Variants in SPOCK3 observed in about 807,000 individuals in gnomAD.
The protein encoded by SPOCK3 is testican-3.
A neutral mutation model predicts 56.6 loss-of-function variants in SPOCK3; 30 were observed. The observed-to-expected ratio is 0.53, with a 90% CI of 0.40 to 0.72. The LOEUF (loss-of-function observed/expected upper bound fraction) is 0.72, where lower values mean the gene tolerates loss of function less well. Among genes scored for constraint, SPOCK3 ranks in the 30% least tolerant of loss-of-function variants. The pLI, the probability that SPOCK3 is intolerant of heterozygous loss-of-function variation, is 0.00. For synonymous variants in SPOCK3, 196 were observed against 183.3 expected (o/e 1.07, Z -0.56); for missense variants, 527 against 530.0 (o/e 0.99, Z 0.06).
chr4:167,157,872 C>G (rs1383951046), intron 2 of SPOCK3, among the ~76,000 whole-genome samples: 7 of 152,000 alleles, frequency 4.6e-5, no homozygotes, highest in Admixed American at 1.3e-4. Flanking sequence ...ACATCAATTC[C>G]ACTTCACTGA....
chr4:166,862,323 T>C (rs1032592514), intron 6 of SPOCK3, among the ~76,000 whole-genome samples: 1 of 151,060 alleles, frequency 6.6e-6, no homozygotes, highest in Non-Finnish European at 1.5e-5. Context: ...GAAAAAAAAA[T>C]AAAAAATAGG....
chr4:167,113,548 G>A (rs1042266191), intron 2 of SPOCK3, among the ~76,000 whole-genome samples: 2 of 152,014 alleles, frequency 1.3e-5, no homozygotes, highest in African/African-American at 4.8e-5. Context: ...TGTCTGAGCA[G>A]ATAGATGGCA....
intron 3 of SPOCK3, among the ~76,000 whole-genome samples, chr4:167,033,260 A>C (rs147885143): frequency 3.6e-3 from 552 of 151,338 alleles, no homozygotes; most frequent in Non-Finnish European, 5.2e-3. Flanking sequence ...AAGAGCTTAT[A>C]TTTTTAAATC....
In SPOCK3 at chr4:167,051,981, T is replaced by C. The variant is rs192426889; in HGVS notation, c.235+10511A>G. ...CATATAAGGAAACGGAAAATAGATA[T>C]AATTTGCCTTCTTGCACACCTATGT... On this transcript the variant is annotated intron_variant, in intron 3 of 10. Transcript: ENST00000357545. Among the ~76,000 whole-genome samples, 144 of 152,324 alleles carry C rather than the reference T, an allele frequency of 9.5e-4. 2 individuals carry two copies. The highest frequency in any genetic ancestry group is 8.3e-3 in the Admixed American group (127 of 15,296).
At chr4:167,212,328 G>A (rs1022066918) in intron 2 of SPOCK3, among the ~76,000 whole-genome samples, 3 of 146,170 alleles carry the variant, frequency 2.1e-5, no homozygotes, top group Non-Finnish European at 3.0e-5. Flanking sequence ...AGCAACCTCC[G>A]CCTTCCAGTT....
intron 2 of SPOCK3, among the ~76,000 whole-genome samples, chr4:167,165,210 T>C (rs1275210869): frequency 6.6e-6 from 1 of 151,950 alleles, no homozygotes; most frequent in Non-Finnish European, 1.5e-5. Flanking sequence ...AATTGACAAA[T>C]GGGATCTAAT....
intron 4 of SPOCK3, among the ~76,000 whole-genome samples, chr4:166,964,733 G>T (rs564267160): frequency 2.6e-5 from 4 of 151,520 alleles, no homozygotes; most frequent in Admixed American, 6.6e-5. Flanking sequence ...CAGGTTAAAG[G>T]AAAACAAAAT....
At chr4:166,851,165 C>T (rs962615948) in intron 6 of SPOCK3, among the ~76,000 whole-genome samples, 2 of 152,200 alleles carry the variant, frequency 1.3e-5, no homozygotes, top group African/African-American at 2.4e-5. Context: ...TAACCCCTGA[C>T]CCCCGAGCAG....
At chr4:166,902,207 T>C (rs747691501) in intron 5 of SPOCK3, among the ~76,000 whole-genome samples, 31 of 152,200 alleles carry the variant, frequency 2.0e-4, no homozygotes, top group Non-Finnish European at 4.0e-4. Context: ...ATCACATTAA[T>C]CTTGCTGAGA....
intron 3 of SPOCK3, among the ~76,000 whole-genome samples, chr4:167,036,952 A>T (rs537919623): frequency 6.6e-6 from 1 of 152,224 alleles, no homozygotes; most frequent in Admixed American, 6.5e-5. Flanking sequence ...GAGATTTTGG[A>T]TCTAGATCCT....
At chr4:167,222,522 C>G (rs932693643) in intron 2 of SPOCK3, among the ~76,000 whole-genome samples, 4 of 134,840 alleles carry the variant, frequency 3.0e-5, no homozygotes, top group African/African-American at 1.1e-4. Flanking sequence ...TAATATATAA[C>G]ATGTATGTTA....
At chr4:166,776,393 C>CA (rs1446532951) in intron 7 of SPOCK3, among the ~76,000 whole-genome samples, 3 of 151,972 alleles carry the variant, frequency 2.0e-5, no homozygotes, top group South Asian at 2.1e-4. Context: ...AGTCTGGTGA[C>CA]AGAGTGAGAC....
At chr4:167,101,127 GT>G (rs1473785592) in intron 2 of SPOCK3, among the ~76,000 whole-genome samples, 1 of 152,042 alleles carries the variant, frequency 6.6e-6, no homozygotes, top group East Asian at 1.9e-4. Context: ...GTTCTCTTAA[GT>G]GGTGGCTGTT....
At chr4:166,859,594 A>C (rs890735270) in intron 6 of SPOCK3, among the ~76,000 whole-genome samples, 1 of 152,128 alleles carries the variant, frequency 6.6e-6, no homozygotes, top group Admixed American at 6.5e-5. Flanking sequence ...TCACACACAT[A>C]TGCCAGTATA....
chr4:167,143,147 C>T (rs188308773), intron 2 of SPOCK3, among the ~76,000 whole-genome samples: 80 of 152,070 alleles, frequency 5.3e-4, no homozygotes, highest in Middle Eastern at 3.4e-3. Context: ...TGTGTGCATA[C>T]GCTACTCAGA....
chr4:166,797,388 C>T (rs1579256743), intron 6 of SPOCK3, among the ~76,000 whole-genome samples: 1 of 150,028 alleles, frequency 6.7e-6, no homozygotes, highest in East Asian at 2.0e-4. Context: ...ATAAACCTGG[C>T]TACAAATATG....
chr4:167,155,058 A>T (rs942639351), intron 2 of SPOCK3, among the ~76,000 whole-genome samples: 7 of 152,228 alleles, frequency 4.6e-5, no homozygotes, highest in Admixed American at 1.3e-4. Flanking sequence ...ACAGGAAGTT[A>T]TATAGTATAT....
At chr4:166,955,120 C>A (rs1021331153) in intron 4 of SPOCK3, among the ~76,000 whole-genome samples, 1 of 152,042 alleles carries the variant, frequency 6.6e-6, no homozygotes, top group Non-Finnish European at 1.5e-5. Flanking sequence ...TCATGATTCA[C>A]ACAAATCATT....
intron 2 of SPOCK3, among the ~76,000 whole-genome samples, chr4:167,065,062 T>TAAAAAAAAAAAA (rs74281519): frequency 1.8e-5 from 1 of 56,868 alleles, no homozygotes; most frequent in African/African-American, 8.1e-5. Flanking sequence ...AAAAAAAAAG[T>TAAAAAAAAAAAA]CAAACGCAGC....
Sources: gnomAD v4.1 joint callset for allele counts (sites outside exome capture counted in the v4.1 genomes callset) on GRCh38, gnomAD v4.1.1 for gene constraint, MANE v1.5 for transcripts, NCBI Gene and HGNC (gene_info 2026-07-23, HGNC 2026-07-21) for gene names.